The following CD200R1L variants were observed in gnomAD, a reference collection of about 807,000 sequenced individuals.
CD200R1L encodes the protein CD200 receptor 1 like, also known as cell surface glycoprotein CD200 receptor 2.
A neutral mutation model predicts 24.8 loss-of-function variants in CD200R1L; 14 were observed. That is an observed-to-expected ratio of 0.56 (90% CI 0.37 to 0.88). The LOEUF is 0.88. CD200R1L is among the 40% of genes least tolerant of loss of function. CD200R1L has a pLI of 0.00. For missense variants in CD200R1L, 299 were observed against 297.8 expected (o/e 1.00, Z -0.03); for synonymous variants, 111 against 109.2 (o/e 1.02, Z -0.11).
intron 3 of CD200R1L, among the ~76,000 whole-genome samples, chr3:112,837,638 A>G (rs1171617305): frequency 3.9e-5 from 6 of 152,214 alleles, no homozygotes; most frequent in Non-Finnish European, 8.8e-5. Flanking sequence ...TGCTCCTCTC[A>G]TTCTACCTTG....
At chr3:112,833,976 G>A (rs1938871582) in intron 3 of CD200R1L, among the ~76,000 whole-genome samples, 1 of 152,218 alleles carries the variant, frequency 6.6e-6, no homozygotes, top group Non-Finnish European at 1.5e-5. Flanking sequence ...TTTGGTCAGA[G>A]ACCTGGAAGA....
At chr3:112,829,183 C>T (rs1023110740) in intron 4 of CD200R1L, 136 bp downstream of exon 4, 14 of 633,196 alleles carry the variant, frequency 2.2e-5, no homozygotes, top group Admixed American at 1.1e-4. Flanking sequence ...CAGGGTCCTT[C>T]GTACCACAGC....
chr3:112,839,204 A>C (rs1050631734), intron 2 of CD200R1L, among the ~76,000 whole-genome samples: 11 of 152,212 alleles, frequency 7.2e-5, no homozygotes, highest in Admixed American at 7.2e-4. Context: ...ATAAATTTTC[A>C]GAATTGTTTC....
intron 2 of CD200R1L, among the ~76,000 whole-genome samples, chr3:112,840,538 G>A (rs566454184): frequency 2.6e-5 from 4 of 152,066 alleles, no homozygotes; most frequent in Non-Finnish European, 5.9e-5. Context: ...CACCTCCCAC[G>A]AGACCCCACC....
chr3:112,825,903 C>T (rs13094280), intron 6 of CD200R1L, among the ~76,000 whole-genome samples: 47,817 of 151,944 alleles, frequency 0.31, 8,499 homozygotes, highest in Non-Finnish European at 0.4. Flanking sequence ...ATAGATAAGA[C>T]GTATGAAGTA....
chr3:112,841,172 C>A (rs1939071006), intron 2 of CD200R1L: 4 of 322,784 alleles, frequency 1.2e-5, no homozygotes, highest in Non-Finnish European at 2.6e-5. Flanking sequence ...TGGTTTAGCA[C>A]CCTCCCCCTA....
At chr3:112,831,258 C>A (rs1465825286) in intron 3 of CD200R1L, among the ~76,000 whole-genome samples, 1 of 152,072 alleles carries the variant, frequency 6.6e-6, no homozygotes, top group Non-Finnish European at 1.5e-5. Context: ...GGATAATCAC[C>A]ATGATTTGGT....
intron 6 of CD200R1L, among the ~76,000 whole-genome samples, chr3:112,821,569 T>G (rs1326784237): frequency 2.6e-5 from 4 of 152,208 alleles, no homozygotes; most frequent in Non-Finnish European, 5.9e-5. Context: ...TCCAGCGCAC[T>G]TTTACCCTTT....
At position 112,845,795 on chromosome 3, in the gene CD200R1L, T is replaced by TCACCAAGTC; in HGVS notation, c.-204_-203insGACTTGGTG. ...ATCCACTTTAAATCAATCAACAGAC[T>TCACCAAGTC]TGGTGAATCTGTTTCTCTTGGTCAC... On this transcript the variant is annotated 5_prime_UTR_variant, in exon 2 of 8. The change abolishes the stop of an existing upstream ORF in the 5' untranslated region. Transcript: ENST00000488794. The TCACCAAGTC allele has an allele frequency of 2.4e-6, 3 of 1,255,394 alleles. No individual in the cohort carries two copies. The highest frequency in any genetic ancestry group is 3.5e-6 in the Non-Finnish European group (3 of 861,754). The allele number at this position is 1,255,394 out of a possible 1,614,324, so 77.8% of individuals were successfully genotyped here. A position where few individuals can be genotyped will look rare whatever the true frequency, so the allele number is the denominator to read the frequency against.
At chr3:112,824,043 T>C (rs951955460) in intron 6 of CD200R1L, among the ~76,000 whole-genome samples, 4 of 152,062 alleles carry the variant, frequency 2.6e-5, no homozygotes, top group African/African-American at 4.8e-5. Flanking sequence ...AGGAGATAAA[T>C]TGGAGGAAGT....
intron 3 of CD200R1L, among the ~76,000 whole-genome samples, chr3:112,837,025 A>T (rs975061060): frequency 2.0e-5 from 3 of 152,186 alleles, no homozygotes; most frequent in African/African-American, 7.2e-5. Flanking sequence ...AAGGCCACAC[A>T]TTTTTTGGCA....
intron 6 of CD200R1L, among the ~76,000 whole-genome samples, chr3:112,824,406 T>A (rs1938610772): frequency 6.6e-6 from 1 of 152,180 alleles, no homozygotes; most frequent in African/African-American, 2.4e-5. Flanking sequence ...CAGGAGAAGC[T>A]GTCCAGTTGG....
intron 3 of CD200R1L, among the ~76,000 whole-genome samples, chr3:112,834,802 A>T (rs1383389031): frequency 3.3e-5 from 5 of 152,222 alleles, no homozygotes; most frequent in Non-Finnish European, 7.3e-5. Context: ...AGCCAGGCAC[A>T]CTACCTGCAG....
At position 112,815,964 on chromosome 3, in the gene CD200R1L, T is replaced by C. The variant is rs1938378941; in HGVS notation, c.752A>G (p.Ter251=). The change falls in exon 8 of 8, where the codon TAA becomes TGA. Residue 251 remains the stop codon, a stop_retained_variant. Transcript: ENST00000488794. ...QRINHVRKVL[*] is the part of the protein sequence containing the mutation. ...CAAAAGAAGACCCTTCCTTCTTCTT[T>C]AAAGAACTTTTCTGAAAGTATTACA... 3.8e-6 allele frequency: 3 copies of C among 780,390 alleles called. No individual in the cohort carries two copies. The highest frequency in any genetic ancestry group is 1.7e-5 in the Admixed American group (1 of 58,974). 48.3% of individuals were successfully genotyped at this position (780,390 alleles called of 1,614,324 possible). A position where few individuals can be genotyped will look rare whatever the true frequency, so the allele number is the denominator to read the frequency against.
Position 112,826,978 on chromosome 3 carries a change from GA to G in CD200R1L, c.616+14del. The G allele has an allele frequency of 6.4e-7, 1 of 1,565,480 alleles. No homozygotes were observed. Among genetic ancestry groups the G allele is most frequent in the Non-Finnish European group, 8.6e-7 (1 of 1,158,832 alleles). On this transcript the variant is annotated intron_variant, in intron 6 of 7. Transcript: ENST00000488794. ...GAGCATCAAGTTTACTCTTCTACAA[GA>G]AACAGGCGCTTACCTGAATTCAACT...
chr3:112,825,798 A>C (rs1188033248), intron 6 of CD200R1L, among the ~76,000 whole-genome samples: 2 of 152,188 alleles, frequency 1.3e-5, no homozygotes, highest in Non-Finnish European at 2.9e-5. Flanking sequence ...AAAGCTCCTA[A>C]GGAGATAAAA....
At chr3:112,829,577 A>G in intron 3 of CD200R1L, 193 bp from the exon 4 acceptor site, 1 of 906,884 alleles carries the variant, frequency 1.1e-6, no homozygotes, top group Non-Finnish European at 1.3e-6. Flanking sequence ...CATCTTGAAA[A>G]TTATACTTAT....
intron 2 of CD200R1L, among the ~76,000 whole-genome samples, chr3:112,840,005 A>C (rs1939042831): frequency 6.6e-6 from 1 of 152,232 alleles, no homozygotes; most frequent in South Asian, 2.1e-4. Flanking sequence ...CCACACACCA[A>C]AATATCTATA....
intron 4 of CD200R1L, among the ~76,000 whole-genome samples, chr3:112,828,232 G>A (rs7625445): frequency 0.28 from 42,797 of 151,990 alleles, 7,254 homozygotes; most frequent in African/African-American, 0.47. Flanking sequence ...TGGAAAGTTT[G>A]TGGTTCTTTC....
Sources: gnomAD v4.1 joint callset for allele counts (sites outside exome capture counted in the v4.1 genomes callset) on GRCh38, gnomAD v4.1.1 for gene constraint, MANE v1.5 for transcripts, NCBI Gene and HGNC (gene_info 2026-07-23, HGNC 2026-07-21) for gene names.